PLEKHM1: variants seen among roughly 807,000 people sequenced by gnomAD.
PLEKHM1 encodes the protein pleckstrin homology domain-containing family M member 1.
A neutral mutation model predicts 94.3 loss-of-function variants in PLEKHM1; 28 were observed. The ratio of observed to expected loss-of-function variants is 0.30; its 90% CI spans 0.22 to 0.41. PLEKHM1 has a LOEUF of 0.41. Among genes scored for constraint, PLEKHM1 ranks in the 10% least tolerant of loss-of-function variants. The probability of loss-of-function intolerance (pLI) is 1.00; values close to 1 mark genes in which losing one functional copy is unlikely to be tolerated. For synonymous variants in PLEKHM1, 424 were observed against 581.2 expected, an observed-to-expected ratio of 0.73 and a Z score of 3.89; for missense variants, 907 against 1,358.6, an observed-to-expected ratio of 0.67 and a Z score of 5.22.
intron 5 of PLEKHM1, among the ~76,000 whole-genome samples, chr17:45,458,857 C>A (rs1416939062): frequency 6.6e-6 from 1 of 151,240 alleles, no homozygotes; most frequent in Non-Finnish European, 1.5e-5. Context: ...ATTCGGCCAG[C>A]CATGGTGGCT....
chr17:45,486,378 C>T (rs1368292300), intron 1 of PLEKHM1, among the ~76,000 whole-genome samples: 10 of 151,206 alleles, frequency 6.6e-5, no homozygotes, highest in Admixed American at 2.0e-4. Context: ...GTCAGGAGAT[C>T]GAGACCATCC....
intron 1 of PLEKHM1, among the ~76,000 whole-genome samples, chr17:45,489,332 A>G (rs1598019364): frequency 1.3e-5 from 2 of 152,272 alleles, no homozygotes; most frequent in South Asian, 4.2e-4. Flanking sequence ...TGGCAGGGAG[A>G]GGCCCTTACA....
intron 5 of PLEKHM1, chr17:45,459,471 T>C (rs2051085321): frequency 6.6e-6 from 1 of 152,040 alleles, no homozygotes; most frequent in African/African-American, 2.4e-5. Context: ...TCCTTTTTAT[T>C]GCCAAATAAT....
In PLEKHM1 at chr17:45,445,020, GACTT is replaced by G. The variant is rs1395919447; in HGVS notation, c.2837+446_2837+449del. Among the ~76,000 whole-genome samples, 1 of 152,242 alleles carries G rather than the reference GACTT, an allele frequency of 6.6e-6. No homozygotes were observed. Among genetic ancestry groups the G allele is most frequent in the African/African-American group, 2.4e-5 (1 of 41,470 alleles). ...TACTTGTCTTCCCTGCCAGGCCAGA[GACTT>G]CCGGCGGGTCGGCCCTGGCTCTGTC... On this transcript the variant is annotated intron_variant, in intron 9 of 11. Transcript: ENST00000430334. The surrounding 1 kb of genome is among the most constrained non-coding windows in gnomAD (Gnocchi z 4.2).
chr17:45,446,056 C>G, intron 8 of PLEKHM1: 1 of 324,606 alleles, frequency 3.1e-6, no homozygotes, highest in South Asian at 3.2e-5. Context: ...CCTTCTGTGC[C>G]CTGACTCAGG....
chr17:45,457,346 C>T (rs1428385719), intron 6 of PLEKHM1, among the ~76,000 whole-genome samples: 6 of 151,670 alleles, frequency 4.0e-5, no homozygotes, highest in Non-Finnish European at 8.8e-5. Flanking sequence ...GGTGGATCAC[C>T]GGAGGTCGGG....
In PLEKHM1 at chr17:45,453,859, C is replaced by T. The variant is rs150208882; in HGVS notation, c.1993G>A (p.Ala665Thr). The change falls in exon 7 of 12, where the codon GCG (alanine) becomes ACG (threonine). Residue 665 changes from alanine to threonine, a missense_variant. By Grantham distance (58) the Ala-to-Thr change is moderately conservative. Transcript: ENST00000430334. This position sits in a 1 kb window ranked among gnomAD's most constrained non-coding sequence, Gnocchi z 4.1. ...TCAAACTGTGTGCCCTGGAGGGCCG[C>T]GGGCTCCGAGAGCAGGTCTGAGGGA... ...LSPSDLLSEP[A>T]ALQGTQFDWS... 7.8e-5 allele frequency: 126 copies of T among 1,613,980 alleles called. No individual in the cohort carries two copies. The highest frequency in any genetic ancestry group is 6.9e-4 in the African/African-American group (52 of 75,056).
chr17:45,465,668 C>G (rs995275434), intron 5 of PLEKHM1, among the ~76,000 whole-genome samples: 3 of 152,114 alleles, frequency 2.0e-5, no homozygotes, highest in African/African-American at 7.2e-5. Context: ...TGAGATTGCA[C>G]CACTGTACTT....
intron 2 of PLEKHM1, among the ~76,000 whole-genome samples, chr17:45,478,456 T>C (rs2051830231): frequency 2.0e-5 from 3 of 152,228 alleles, no homozygotes; most frequent in African/African-American, 7.2e-5. Context: ...TAGAGCCATA[T>C]AATCTTGTGT....
At chr17:45,479,180 C>T (rs1176523161) in intron 2 of PLEKHM1, among the ~76,000 whole-genome samples, 1 of 151,792 alleles carries the variant, frequency 6.6e-6, no homozygotes, top group South Asian at 2.1e-4. Flanking sequence ...TTGAGATCAG[C>T]CTGGCAAACA....
intron 10 of PLEKHM1, among the ~76,000 whole-genome samples, chr17:45,439,840 A>G (rs1450336721): frequency 6.6e-6 from 1 of 152,246 alleles, no homozygotes; most frequent in Non-Finnish European, 1.5e-5. Flanking sequence ...GCCCGTGGGC[A>G]CTGAGGTCAC....
Position 45,475,508 on chromosome 17 carries a change from G to C in PLEKHM1, c.515C>G (p.Thr172Arg), listed in dbSNP as rs577278828. Residue 172 changes from threonine to arginine, a missense_variant, in exon 4 of 12, where the codon ACG becomes AGG. Thr to Arg is a moderately conservative substitution (Grantham distance 71). This residue lies in a region of PLEKHM1 where 176 missense variants were observed against 306.0 expected (regional missense o/e 0.58). Transcript: ENST00000430334. ...GTAGGAGAGTTCGAAGGACAAGGACGTGAGGCCCTGCAGGAAGCTAAGGAG... is the reference window on the plus strand; with the variant it reads ...GTAGGAGAGTTCGAAGGACAAGGACCTGAGGCCCTGCAGGAAGCTAAGGAG... Reference protein sequence around the residue: ...EFLLSFLQGLTSLSFELSYKS... With the variant: ...EFLLSFLQGLRSLSFELSYKS... 1.2e-6 allele frequency: 2 copies of C among 1,611,908 alleles called. No homozygotes were observed. The highest frequency in any genetic ancestry group is 1.1e-5 in the South Asian group (1 of 91,074).
chr17:45,438,565 A>G (rs1259225036), intron 11 of PLEKHM1, among the ~76,000 whole-genome samples: 1 of 151,148 alleles, frequency 6.6e-6, no homozygotes, highest in Non-Finnish European at 1.5e-5. Context: ...TACTTACTTT[A>G]TTTATTTATT....
Position 45,455,783 on chromosome 17 carries a change from T to A in PLEKHM1, c.1580-1511A>T, listed in dbSNP as rs76721339. Among the ~76,000 whole-genome samples the A allele has an allele frequency of 4.7e-3, 723 of 152,286 alleles. 5 individuals are homozygous for A. The highest frequency in any genetic ancestry group is 0.017 in the African/African-American group (687 of 41,558). On this transcript the variant is annotated intron_variant, in intron 6 of 11. Transcript: ENST00000430334. Reference sequence around the variant, plus strand: ...AACCTCCTAACTGGTCTTTCTCCCCTTCTCCCCTGTAGTCCCTCAGCGTAG... The same window carrying A: ...AACCTCCTAACTGGTCTTTCTCCCCATCTCCCCTGTAGTCCCTCAGCGTAG...
In PLEKHM1 at chr17:45,437,756, AC is replaced by A. The variant is rs1310045955; in HGVS notation, c.*101del. The A allele has an allele frequency of 1.1e-6, 1 of 912,980 alleles. No homozygotes were observed. The allele number at this position is 912,980 out of a possible 1,614,324, so 56.6% of individuals were successfully genotyped here. A position where few individuals can be genotyped will look rare whatever the true frequency, so the allele number is the denominator to read the frequency against. On this transcript the variant is annotated 3_prime_UTR_variant, in exon 12 of 12. Coordinates refer to ENST00000430334, the MANE Select transcript of PLEKHM1 (RefSeq NM_014798.3). The surrounding 1 kb of genome is among the most constrained non-coding windows in gnomAD (Gnocchi z 4.0). ...CTGAGGGTCTTCCTGACAAGGGGAC[AC>A]AGCTGTGACACGGTGAGTATCCTGG...
rs1236485824 is a variant in PLEKHM1, at chr17:45,453,095, A to G, written c.2497+260T>C. The G allele has an allele frequency of 1.7e-6, 1 of 603,054 alleles. No homozygotes were observed. Among genetic ancestry groups the G allele is most frequent in the Non-Finnish European group, 3.0e-6 (1 of 338,404 alleles). 37.4% of individuals were successfully genotyped at this position (603,054 alleles called of 1,614,324 possible). A position where few individuals can be genotyped will look rare whatever the true frequency, so the allele number is the denominator to read the frequency against. On this transcript the variant is annotated intron_variant, in intron 7 of 11. Coordinates refer to ENST00000430334, the MANE Select transcript of PLEKHM1 (RefSeq NM_014798.3). The surrounding 1 kb of genome is among the most constrained non-coding windows in gnomAD (Gnocchi z 4.1). ...GGACTCCCTGAGCAGCGCAGTGAGT[A>G]GCCAGCCTGCCGCCCATCAGTGGGA...
At chr17:45,435,687 C>T (rs2050236222), downstream of PLEKHM1, among the ~76,000 whole-genome samples, 1 of 152,238 alleles carries the variant, frequency 6.6e-6, no homozygotes, top group African/African-American at 2.4e-5. Flanking sequence ...AAGAGCCTGA[C>T]TGCTGGGCTT....
intron 5 of PLEKHM1, among the ~76,000 whole-genome samples, chr17:45,467,111 C>A (rs1462926454): frequency 6.6e-6 from 1 of 152,150 alleles, no homozygotes; most frequent in Non-Finnish European, 1.5e-5. Context: ...CCATGCCCAG[C>A]TAATTTTTGT....
chr17:45,447,749 G>A (rs1255625013), intron 8 of PLEKHM1, among the ~76,000 whole-genome samples: 3 of 152,032 alleles, frequency 2.0e-5, no homozygotes, highest in Non-Finnish European at 2.9e-5. Context: ...GAGGGAGAGC[G>A]AGCTGAGGAT....
Sources: gnomAD v4.1 joint callset for allele counts (sites outside exome capture counted in the v4.1 genomes callset) on GRCh38, gnomAD v4.1.1 for gene constraint, gnomAD v4.1.1 regional missense constraint, Gnocchi (gnomAD v3.1) non-coding constraint, MANE v1.5 for transcripts, NCBI Gene and HGNC (gene_info 2026-07-23, HGNC 2026-07-21) for gene names.